PTPRD: variants seen among roughly 807,000 people sequenced by gnomAD.
PTPRD encodes the protein receptor-type tyrosine-protein phosphatase delta.
In PTPRD, 34 loss-of-function variants were observed where a neutral mutation model predicts 214.5. The observed-to-expected ratio is 0.16, with a 90% CI of 0.12 to 0.21. The LOEUF is 0.21. Ranked by LOEUF, PTPRD falls within the 10% of genes least tolerant of loss-of-function variation. PTPRD has a pLI of 1.00. For missense variants in PTPRD, 2,545 were observed against 2,398.7 expected (o/e 1.06, Z -1.27); for synonymous variants, 1,128 against 845.7 (o/e 1.33, Z -5.79).
chr9:10,571,815 C>T (rs542560075), intron 2 of PTPRD, among the ~76,000 whole-genome samples: 2 of 152,178 alleles, frequency 1.3e-5, no homozygotes, highest in East Asian at 3.9e-4. Flanking sequence ...CTCACATGAG[C>T]AGTTCACAAT....
chr9:9,872,921 T>G (rs2065876404), intron 5 of PTPRD, among the ~76,000 whole-genome samples: 1 of 152,104 alleles, frequency 6.6e-6, no homozygotes, highest in Non-Finnish European at 1.5e-5. Flanking sequence ...TGATTAATAT[T>G]TATTAAGTAT....
chr9:9,589,462 G>C (rs927640680), intron 7 of PTPRD, among the ~76,000 whole-genome samples: 3 of 151,866 alleles, frequency 2.0e-5, no homozygotes, highest in African/African-American at 4.8e-5. Context: ...ATTAAGACAG[G>C]TTGCTGGTGT....
intron 2 of PTPRD, among the ~76,000 whole-genome samples, chr9:10,557,269 G>A (rs1043251832): frequency 6.6e-6 from 1 of 151,952 alleles, no homozygotes; most frequent in Non-Finnish European, 1.5e-5. Context: ...TCATTTAAAA[G>A]GATGCCCCAT....
chr9:8,757,509 T>C (rs2094092300), intron 11 of PTPRD, among the ~76,000 whole-genome samples: 1 of 151,918 alleles, frequency 6.6e-6, no homozygotes, highest in Non-Finnish European at 1.5e-5. Context: ...AGCCAATTTG[T>C]GGGAGACCTT....
At chr9:9,472,204 T>C (rs1270880326) in intron 8 of PTPRD, among the ~76,000 whole-genome samples, 3 of 98,396 alleles carry the variant, frequency 3.0e-5, no homozygotes, top group Non-Finnish European at 6.8e-5. Context: ...TTTTTTTTTT[T>C]TTCTTTTTTT....
At chr9:10,382,612 A>G (rs1398001199) in intron 2 of PTPRD, among the ~76,000 whole-genome samples, 1 of 151,924 alleles carries the variant, frequency 6.6e-6, no homozygotes, top group African/African-American at 2.4e-5. Flanking sequence ...ATATTGAACA[A>G]TGTTTGCTTA....
At chr9:8,932,011 T>C (rs10977372) in intron 11 of PTPRD, among the ~76,000 whole-genome samples, 74,995 of 151,460 alleles carry the variant, frequency 0.5, 18,748 homozygotes, top group Middle Eastern at 0.59. Context: ...TGGTGATATC[T>C]CCTTTATAAT....
intron 10 of PTPRD, among the ~76,000 whole-genome samples, chr9:9,061,662 T>C (rs1196114723): frequency 6.6e-6 from 1 of 152,114 alleles, no homozygotes; most frequent in Non-Finnish European, 1.5e-5. Flanking sequence ...ATTAAAAATA[T>C]TAATAAAAGA....
intron 34 of PTPRD, among the ~76,000 whole-genome samples, chr9:8,448,063 G>T (rs528231068): frequency 2.2e-4 from 33 of 152,094 alleles, no homozygotes; most frequent in Non-Finnish European, 3.8e-4. Flanking sequence ...GGTGGCTAAT[G>T]CCTGTAATCC....
At chr9:9,103,605 G>C (rs980461242) in intron 10 of PTPRD, among the ~76,000 whole-genome samples, 6 of 151,466 alleles carry the variant, frequency 4.0e-5, no homozygotes, top group Non-Finnish European at 8.8e-5. Context: ...CGTATCCTTT[G>C]CTTCCATAAG....
intron 3 of PTPRD, among the ~76,000 whole-genome samples, chr9:10,263,863 G>T (rs1359184656): frequency 6.6e-6 from 1 of 152,082 alleles, no homozygotes; most frequent in Non-Finnish European, 1.5e-5. Flanking sequence ...AGGAAAAATG[G>T]TTTCGTAGGC....
rs752677458 is a variant in PTPRD at position 8,697,417 on chromosome 9, C to CTTTTTTT, written c.64+36356_64+36362dup. Among the ~76,000 whole-genome samples, 12 of 63,242 alleles carry CTTTTTTT rather than the reference C, an allele frequency of 1.9e-4. 1 individual carries two copies. The highest frequency in any genetic ancestry group is 2.7e-4 in the African/African-American group (4 of 14,854). The allele number at this position is 63,242 out of a possible 152,430, so 41.5% of individuals were successfully genotyped here. A position where few individuals can be genotyped will look rare whatever the true frequency, so the allele number is the denominator to read the frequency against. The stretch of plus-strand genomic sequence containing the variant: ...TTTATTATTTATTTATTTTTATGTA[C>CTTTTTTT]TTTTTTTTTTTTTTTTTTTTTTTGA... On this transcript the variant is annotated intron_variant, in intron 12 of 45. Coordinates refer to ENST00000381196, the MANE Select transcript of PTPRD (RefSeq NM_002839.4).
At chr9:9,443,252 T>G (rs2088952755) in intron 8 of PTPRD, among the ~76,000 whole-genome samples, 1 of 151,982 alleles carries the variant, frequency 6.6e-6, no homozygotes. Context: ...CATAAATAAA[T>G]AAATAAATAA....
intron 3 of PTPRD, among the ~76,000 whole-genome samples, chr9:10,243,360 T>C (rs1165118605): frequency 1.3e-5 from 2 of 152,056 alleles, no homozygotes; most frequent in Non-Finnish European, 2.9e-5. Flanking sequence ...GTTTTATGTT[T>C]ATCACTTTGT....
chr9:8,575,504 G>A (rs868633021), intron 14 of PTPRD, among the ~76,000 whole-genome samples: 1 of 152,100 alleles, frequency 6.6e-6, no homozygotes. Flanking sequence ...TTACAGGCTA[G>A]TAAGTATCCT....
intron 3 of PTPRD, among the ~76,000 whole-genome samples, chr9:10,124,487 T>C (rs1389349646): frequency 6.6e-6 from 1 of 152,162 alleles, no homozygotes; most frequent in Admixed American, 6.5e-5. Context: ...GAAATACAAG[T>C]GCTTATTGTG....
intron 7 of PTPRD, among the ~76,000 whole-genome samples, chr9:9,654,189 A>T: frequency 6.6e-6 from 1 of 152,168 alleles, no homozygotes; most frequent in East Asian, 1.9e-4. Context: ...AGGTAATAGC[A>T]CTGAAAGACT....
At chr9:9,630,288 T>G (rs920284513) in intron 7 of PTPRD, among the ~76,000 whole-genome samples, 2 of 152,216 alleles carry the variant, frequency 1.3e-5, no homozygotes, top group African/African-American at 4.8e-5. Context: ...TGGTTTTATA[T>G]AGCAAAGAAA....
At chr9:8,764,452 G>C (rs996493741) in intron 11 of PTPRD, among the ~76,000 whole-genome samples, 3 of 152,016 alleles carry the variant, frequency 2.0e-5, no homozygotes, top group African/African-American at 4.8e-5. Context: ...AAGATTTTAG[G>C]GATCATGGAT....
Sources: gnomAD v4.1 joint callset for allele counts (sites outside exome capture counted in the v4.1 genomes callset) on GRCh38, gnomAD v4.1.1 for gene constraint, MANE v1.5 for transcripts, NCBI Gene and HGNC (gene_info 2026-07-23, HGNC 2026-07-21) for gene names.